Variants in TTN observed in about 807,000 individuals in gnomAD.
The protein encoded by TTN is titin, also known as connectin.
Under a neutral mutation model 3,223.0 loss-of-function variants are expected in TTN, and 1,525 were observed. The ratio of observed to expected loss-of-function variants is 0.47; its 90% CI spans 0.45 to 0.49. The LOEUF (loss-of-function observed/expected upper bound fraction) is 0.49. Ranked by LOEUF, TTN falls within the 20% of genes least tolerant of loss-of-function variation. TTN has a pLI of 0.00. For missense variants in TTN, 40,786 were observed against 43,424.0 expected (o/e 0.94, Z 5.40); for synonymous variants, 14,094 against 15,161.0 (o/e 0.93, Z 5.17).
chr2:178,558,279 A>G (rs768014731), intron 327 of TTN, 44 bp from the exon 328 acceptor site: 3 of 1,589,500 alleles, frequency 1.9e-6, no homozygotes, highest in Non-Finnish European at 2.6e-6. Context: ...AGTGTTTCTG[A>G]AAATTAACAT....
rs1553619783 is a variant in TTN, at chr2:178,578,612, T to C, written c.68328A>G (p.Thr22776=). 5 of 1,607,498 alleles carry C rather than the reference T, an allele frequency of 3.1e-6. No individual in the cohort carries two copies. Among genetic ancestry groups the C allele is most frequent in the Non-Finnish European group, 3.4e-6 (4 of 1,175,842 alleles). ...GTAGGATAAGAACAAACAAAATACC[T>C]GTAATTGGAGAACCACCAGTTTTCT... ...DPKKTGGSPI[T]GYHLEFKERN... Residue 22776 remains threonine, a splice_region_variant and synonymous_variant, in exon 321 of 363, where the codon ACA becomes ACG. Coordinates refer to ENST00000589042, the MANE Select transcript of TTN (RefSeq NM_001267550.2).
rs1224380715 is a variant in TTN at position 178,696,068 on chromosome 2, T to G, written c.31004A>C (p.Gln10335Pro). 1.3e-6 allele frequency: 2 copies of G among 1,551,134 alleles called. No homozygotes were observed. Among genetic ancestry groups the G allele is most frequent in the Non-Finnish European group, 1.7e-6 (2 of 1,146,682 alleles). The change falls in exon 114 of 363, where the codon CAA (glutamine) becomes CCA (proline). Residue 10335 changes from glutamine to proline, a missense_variant. Transcript: ENST00000589042. Reference protein sequence around the residue: ...EVEPYTEPFEQPYYEEPDEDY... With the variant: ...EVEPYTEPFEPPYYEEPDEDY... ...TTCATCTGGTTCTTCATAATAAGGT[T>G]GTTCAAATGGCTCTGTGTATGGTTC...
At position 178,611,674 on chromosome 2, in the gene TTN, G is replaced by A; in HGVS notation, c.50555C>T (p.Pro16852Leu). ...EILSIEDPTSPPSPPLDLHVT... is the reference protein window; with the variant it reads ...EILSIEDPTSLPSPPLDLHVT... ...ATGTAGGTCAAGGGGTGGTGAGGGA[G>A]GACCTGAGAAAAGAGTGAAATATTC... The change falls in exon 269 of 363, where the codon CCT (proline) becomes CTT (leucine). Residue 16852 changes from proline (P) to leucine (L), a missense_variant. Coordinates refer to ENST00000589042, the MANE Select transcript of TTN (RefSeq NM_001267550.2). 6.2e-7 allele frequency: 1 copy of A among 1,612,600 alleles called. No individual in the cohort carries two copies. The highest frequency in any genetic ancestry group is 1.1e-5 in the South Asian group (1 of 90,954).
rs749642221 is a variant in TTN, at chr2:178,577,737, G to A, written c.68689C>T (p.Pro22897Ser). ...TCAGTTACAGTAAAGGCACATTCTG[G>A]GACATTAACATGGTTGGCTTTCATC... ...SWMKANHVNVPECAFTVTDLV... is the reference protein window; with the variant it reads ...SWMKANHVNVSECAFTVTDLV... The change falls in exon 323 of 363, where the codon CCA becomes TCA. Residue 22897 changes from proline to serine, a missense_variant. Physicochemically the swap from Pro to Ser is moderately conservative, Grantham distance 74 (BLOSUM62 -1). Transcript: ENST00000589042. 2 of 1,613,304 alleles carry A rather than the reference G, an allele frequency of 1.2e-6. No individual in the cohort carries two copies. The highest frequency in any genetic ancestry group is 1.3e-5 in the African/African-American group (1 of 74,986).
In TTN at chr2:178,739,952, G is replaced by A. The variant is rs551703401; in HGVS notation, c.13281C>T (p.Val4427=). The A allele has an allele frequency of 2.4e-5, 38 of 1,613,760 alleles. No homozygotes were observed. Among genetic ancestry groups the A allele is most frequent in the South Asian group, 2.1e-4 (19 of 91,054 alleles). ...GCTCTTGGGTGATGTTTACAGCCTC[G>A]ACCTCCACCTTTTCAATATTTCTTA... ...EWLRNIEKVE[V]EAVNITQEPR... The change falls in exon 48 of 363, where the codon GTC becomes GTT. Residue 4427 remains valine, a synonymous_variant. Transcript: ENST00000589042.
chr2:178,630,428 AG>A, intron 238 of TTN, 61 bp from the exon 239 acceptor site: 1 of 1,511,930 alleles, frequency 6.6e-7, no homozygotes, highest in Non-Finnish European at 8.9e-7. Context: ...TTTTGTTCTA[AG>A]GATAGATTAT....
chr2:178,747,718 A>G (rs767488207), intron 47 of TTN: 1 of 1,612,034 alleles, frequency 6.2e-7, no homozygotes, highest in South Asian at 1.1e-5. Context: ...CCTCAGTGGT[A>G]TGTGCCTCAT....
At position 178,786,243 on chromosome 2, in the gene TTN, A is replaced by G. The variant is rs2093171622; in HGVS notation, c.2077-102T>C. ...GCAGATGGCGTCCACATTATACAGC[A>G]GTGTTAACGTGTCTAGAAATGTATC... On this transcript the variant is annotated intron_variant, in intron 13 of 362. Transcript: ENST00000589042. The G allele has an allele frequency of 2.5e-6, 3 of 1,219,952 alleles. No homozygotes were observed. The South Asian group carries it at 3.9e-5, about 16-fold the overall frequency. The allele number at this position is 1,219,952 out of a possible 1,614,324, so 75.6% of individuals were successfully genotyped here.
chr2:178,720,851 G>A, intron 79 of TTN, 70 bp downstream of exon 79: 1 of 1,483,702 alleles, frequency 6.7e-7, no homozygotes, highest in Non-Finnish European at 9.0e-7. Flanking sequence ...TTTTATTTTG[G>A]AACTCATAAC....
Position 178,554,161 on chromosome 2 carries a change from C to G in TTN, c.88950G>C (p.Met29650Ile), listed in dbSNP as rs944381912. Reference protein sequence around the residue: ...PEVTKITKNSMTVVWSRPIAD... With the variant: ...PEVTKITKNSITVVWSRPIAD... ...CAATTGGCCTGCTCCATACAACAGT[C>G]ATCGAATTCTTGGTAATCTTTGTCA... Residue 29650 changes from methionine (M) to isoleucine (I), a missense_variant, in exon 333 of 363, where the codon ATG (methionine) becomes ATC (isoleucine). By Grantham distance (10) the Met-to-Ile change is conservative (BLOSUM62 1). Transcript: ENST00000589042. 5 of 1,610,460 alleles carry G rather than the reference C, an allele frequency of 3.1e-6. No individual in the cohort carries two copies. In the African/African-American group the frequency reaches 5.4e-5, roughly 17 times the overall value.
chr2:178,633,789 C>T, intron 231 of TTN, 28 bp downstream of exon 231: 1 of 1,609,762 alleles, frequency 6.2e-7, no homozygotes, highest in Non-Finnish European at 8.5e-7. Flanking sequence ...CAGAAACTGG[C>T]TATCTGGTTA....
Position 178,664,080 on chromosome 2 carries a change from T to A in TTN, c.36299A>T (p.Glu12100Val), listed in dbSNP as rs73973133. 5.0e-3 allele frequency: 8,026 copies of A among 1,612,090 alleles called. 310 individuals are homozygous for A. The African/African-American group carries it at 0.092, about 18-fold the overall frequency. ...VPVKVHEAPK[E>V]IIPEKKVSVV... is the part of the protein sequence containing the mutation. ...CGACACTTTCTTTTCAGGGATAATC[T>A]CTTTGGGAGCTTCGTGCACTTGAAA... Residue 12100 changes from glutamate to valine, a missense_variant, in exon 169 of 363, where the codon GAG becomes GTG. By Grantham distance (121) the Glu-to-Val change is moderately radical. Transcript: ENST00000589042.
rs952269069 is a variant in TTN, at chr2:178,733,976, T to C, written c.15497-84A>G. On this transcript the variant is annotated intron_variant, in intron 52 of 362. Coordinates refer to ENST00000589042, the MANE Select transcript of TTN (RefSeq NM_001267550.2). Reference sequence around the variant, plus strand: ...CTATATTTAAGAGTTTTTTCAAGATTATATTTATCTTGTCCCAATACTACT... The same window carrying C: ...CTATATTTAAGAGTTTTTTCAAGATCATATTTATCTTGTCCCAATACTACT... 143 of 1,294,528 alleles carry C rather than the reference T, an allele frequency of 1.1e-4. 1 individual carries two copies. In the East Asian group the frequency reaches 3.3e-3, roughly 30 times the overall value. The allele number at this position is 1,294,528 out of a possible 1,614,324, so 80.2% of individuals were successfully genotyped here.
Position 178,649,268 on chromosome 2 carries a change from G to A in TTN, c.40037C>T (p.Pro13346Leu). The A allele has an allele frequency of 6.7e-7, 1 of 1,499,392 alleles. No individual in the cohort carries two copies. Among genetic ancestry groups the A allele is most frequent in the East Asian group, 2.6e-5 (1 of 38,106 alleles). The allele number at this position is 1,499,392 out of a possible 1,614,324, so 92.9% of individuals were successfully genotyped here. Residue 13346 changes from proline (P) to leucine (L), a missense_variant, in exon 213 of 363, where the codon CCA becomes CTA. Coordinates refer to ENST00000589042, the MANE Select transcript of TTN (RefSeq NM_001267550.2). ...KKEPVPVTKKPEVLPEKVPKV... is the reference protein window; with the variant it reads ...KKEPVPVTKKLEVLPEKVPKV... Reference sequence around the variant, plus strand: ...GGTACCTTTTTCTGGAAGAACTTCTGGTTTTTTGGTAACAGGCACAGGTTC... The same window carrying A: ...GGTACCTTTTTCTGGAAGAACTTCTAGTTTTTTGGTAACAGGCACAGGTTC...
chr2:178,783,938 TA>T, intron 16 of TTN, 131 bp downstream of exon 16: 2 of 1,454,642 alleles, frequency 1.4e-6, no homozygotes, highest in Non-Finnish European at 1.9e-6. Context: ...CTATGCTCCA[TA>T]AAAATCAAGT....
At chr2:178,781,016 A>T in intron 21 of TTN, 105 bp downstream of exon 21, 1 of 1,499,134 alleles carries the variant, frequency 6.7e-7, no homozygotes, top group Non-Finnish European at 9.2e-7. Flanking sequence ...GGGGCAAAGT[A>T]TCAGAACCAG....
Position 178,688,180 on chromosome 2 carries a change from C to T in TTN, c.32242G>A (p.Val10748Met), listed in dbSNP as rs2071382852. Residue 10748 changes from valine to methionine, a missense_variant, in exon 127 of 363, where the codon GTG becomes ATG. Transcript: ENST00000589042. ...EWSYSEEEEG[V>M]SISVYREEER... ...TCTTCTCTATAAACTGAAATGGACA[C>T]ACCTTCCTCCTCTTCTGAGTAACTC... 7 of 1,612,992 alleles carry T rather than the reference C, an allele frequency of 4.3e-6. No homozygotes were observed. Among genetic ancestry groups the T allele is most frequent in the Non-Finnish European group, 5.9e-6 (7 of 1,179,758 alleles).
chr2:178,575,101 T>C lies in TTN; in HGVS notation c.71031A>G (p.Thr23677=), dbSNP rs749141184. The stretch of plus-strand genomic sequence containing the variant: ...CTGTGGTTTCAAAATTAACTCTCTG[T>C]GTCTGTTTAAGAATTTGGTCTCCTT... ...WKKGDQILKQ[T]QRVNFETTAT... The change falls in exon 326 of 363, where the codon ACA becomes ACG. Residue 23677 remains threonine (T), a synonymous_variant. Transcript: ENST00000589042. This position sits in a 1 kb window ranked among gnomAD's most constrained non-coding sequence, Gnocchi z 4.0. The C allele has an allele frequency of 1.9e-6, 3 of 1,613,268 alleles. No individual in the cohort carries two copies. The highest frequency in any genetic ancestry group is 2.5e-6 in the Non-Finnish European group (3 of 1,179,562).
rs2079558642 is a variant in TTN, at chr2:178,727,514, G to T, written c.19993+71C>A. 1.1e-5 allele frequency: 16 copies of T among 1,513,970 alleles called. 1 individual carries two copies. The South Asian group carries it at 2.2e-4, about 21-fold the overall frequency. The allele number at this position is 1,513,970 out of a possible 1,614,324, so 93.8% of individuals were successfully genotyped here. On this transcript the variant is annotated intron_variant, in intron 68 of 362. Coordinates refer to ENST00000589042, the MANE Select transcript of TTN (RefSeq NM_001267550.2). Reference sequence around the variant, plus strand: ...AATACTACTTTCTTGATTGTTTAGAGACATTGTAACTGAATACAGAGAACC... The same window carrying T: ...AATACTACTTTCTTGATTGTTTAGATACATTGTAACTGAATACAGAGAACC...
Sources: allele counts gnomAD v4.1 joint callset, GRCh38; gene constraint gnomAD v4.1.1; non-coding constraint Gnocchi (gnomAD v3.1); transcripts MANE v1.5; gene names NCBI Gene and HGNC (gene_info 2026-07-23, HGNC 2026-07-21).